PPP2R3A: variants seen among roughly 807,000 people sequenced by gnomAD.
The protein encoded by PPP2R3A is serine/threonine-protein phosphatase 2A regulatory subunit B'' subunit alpha.
PPP2R3A carries 80 observed loss-of-function variants against 106.9 expected under a neutral mutation model. That is an observed-to-expected ratio of 0.75 (90% CI 0.62 to 0.90). The LOEUF (loss-of-function observed/expected upper bound fraction) is 0.90, where lower values mean the gene tolerates loss of function less well. Ranked by LOEUF, PPP2R3A falls within the 40% of genes least tolerant of loss-of-function variation. PPP2R3A has a pLI of 0.00. For synonymous variants in PPP2R3A, 483 were observed against 468.3 expected, an observed-to-expected ratio of 1.03 and a Z score of -0.41; for missense variants, 1,386 against 1,350.4, an observed-to-expected ratio of 1.03 and a Z score of -0.41.
At chr3:136,033,619 G>A (rs1934982952) in intron 3 of PPP2R3A, among the ~76,000 whole-genome samples, 1 of 152,124 alleles carries the variant, frequency 6.6e-6, no homozygotes, top group Non-Finnish European at 1.5e-5. Flanking sequence ...TAGAAGGGTT[G>A]TATCTTTCCA....
intron 3 of PPP2R3A, among the ~76,000 whole-genome samples, chr3:136,029,817 C>T (rs572782796): frequency 6.6e-6 from 1 of 152,176 alleles, no homozygotes; most frequent in Non-Finnish European, 1.5e-5. Context: ...GGGCACCAAG[C>T]CTTTTTGTTC....
chr3:136,003,387 C>A lies in PPP2R3A; in HGVS notation c.1889C>A (p.Thr630Lys), dbSNP rs752262915. The change falls in exon 2 of 14, where the codon ACA becomes AAA. Residue 630 changes from threonine to lysine, a missense_variant. Thr to Lys is a moderately conservative substitution (Grantham distance 78). Coordinates refer to ENST00000264977, the MANE Select transcript of PPP2R3A (RefSeq NM_002718.5). ...EMMQILQETL[T>K]TSSQANLSVC... is the part of the protein sequence containing the mutation. ...ATGCAAATTCTACAGGAAACCTTGA[C>A]AACTTCCTCCCAGGCCAATTTATCA... 9 of 1,613,852 alleles carry A rather than the reference C, an allele frequency of 5.6e-6. No individual in the cohort carries two copies. In the East Asian group the frequency reaches 2.0e-4, roughly 36 times the overall value.
Position 136,061,844 on chromosome 3 carries a change from C to T in PPP2R3A, c.2470-8634C>T, listed in dbSNP as rs1576472151. 2.7e-5 allele frequency among the ~76,000 whole-genome samples: 4 copies of T among 147,856 alleles called. No individual in the cohort carries two copies. In the South Asian group the frequency reaches 8.9e-4, roughly 33 times the overall value. ...CTGAGGCAGGAGAATGGCATGAACC[C>T]GGGACCTGGGAGGTGGAGCTTGCAG... On this transcript the variant is annotated intron_variant, in intron 5 of 13. Transcript: ENST00000264977.
chr3:136,142,155 A>G (rs968322057), intron 13 of PPP2R3A, among the ~76,000 whole-genome samples: 1 of 152,224 alleles, frequency 6.6e-6, no homozygotes, highest in Non-Finnish European at 1.5e-5. Context: ...AGGGAAGTAC[A>G]AAACGAGAAG....
rs139172244 is a variant in PPP2R3A, at chr3:136,099,710, A to G, written c.2928-2297A>G. On this transcript the variant is annotated intron_variant, in intron 10 of 13. Coordinates refer to ENST00000264977, the MANE Select transcript of PPP2R3A (RefSeq NM_002718.5). ...TTTTAATATAACTGGAAAATGAAATATGGTACAGGCCACATAGGTAATTTT... is the reference window on the plus strand; with the variant it reads ...TTTTAATATAACTGGAAAATGAAATGTGGTACAGGCCACATAGGTAATTTT... Among the ~76,000 whole-genome samples, 200 of 152,286 alleles carry G rather than the reference A, an allele frequency of 1.3e-3. 1 individual carries two copies. The highest frequency in any genetic ancestry group is 4.4e-3 in the African/African-American group (185 of 41,578).
chr3:136,130,936 G>A (rs1028702849), intron 13 of PPP2R3A, among the ~76,000 whole-genome samples: 4 of 152,148 alleles, frequency 2.6e-5, no homozygotes, highest in African/African-American at 9.7e-5. Flanking sequence ...AAATGGTGCT[G>A]GGAAAATTGG....
Position 136,003,413 on chromosome 3 carries a change from G to A in PPP2R3A, c.1915G>A (p.Val639Ile), listed in dbSNP as rs150900402. The change falls in exon 2 of 14, where the codon GTC becomes ATC. Residue 639 changes from valine (V) to isoleucine (I), a missense_variant. Physicochemically the swap from Val to Ile is conservative, Grantham distance 29. Coordinates refer to ENST00000264977, the MANE Select transcript of PPP2R3A (RefSeq NM_002718.5). ...AACTTCCTCCCAGGCCAATTTATCA[G>A]TCTGTAGAAGTCCTGTTGGTGATAA... ...LTTSSQANLS[V>I]CRSPVGDKAK... The A allele has an allele frequency of 1.8e-5, 29 of 1,613,930 alleles. No homozygotes were observed. In the African/African-American group the frequency reaches 3.2e-4, roughly 18 times the overall value.
At chr3:136,043,255 C>G (rs113426791) in intron 4 of PPP2R3A, among the ~76,000 whole-genome samples, 7 of 152,146 alleles carry the variant, frequency 4.6e-5, no homozygotes, top group Non-Finnish European at 8.8e-5. Context: ...GTCAGGAGAT[C>G]GAGACCATCC....
At chr3:136,026,304 G>A (rs147598690) in intron 2 of PPP2R3A, among the ~76,000 whole-genome samples, 230 of 152,194 alleles carry the variant, frequency 1.5e-3, no homozygotes, top group African/African-American at 5.3e-3. Flanking sequence ...TCTTAACAAA[G>A]ATTTTCTCAG....
At chr3:136,015,648 A>G (rs977992688) in intron 2 of PPP2R3A, among the ~76,000 whole-genome samples, 1 of 151,436 alleles carries the variant, frequency 6.6e-6, no homozygotes, top group Non-Finnish European at 1.5e-5. Flanking sequence ...TTTTTGTGGT[A>G]TCAGTTGTAA....
intron 1 of PPP2R3A, among the ~76,000 whole-genome samples, chr3:135,974,714 C>G (rs1018192268): frequency 6.6e-6 from 1 of 152,220 alleles, no homozygotes; most frequent in Non-Finnish European, 1.5e-5. Flanking sequence ...GGAGGGGTAT[C>G]CTCCCACCCC....
At chr3:135,981,586 A>C (rs955047959) in intron 1 of PPP2R3A, among the ~76,000 whole-genome samples, 4 of 151,808 alleles carry the variant, frequency 2.6e-5, no homozygotes, top group Admixed American at 1.3e-4. Context: ...TTCATTGAGT[A>C]CTTATATATA....
At chr3:136,132,945 GAA>G (rs1225526031) in intron 13 of PPP2R3A, among the ~76,000 whole-genome samples, 1 of 152,052 alleles carries the variant, frequency 6.6e-6, no homozygotes, top group Non-Finnish European at 1.5e-5. Flanking sequence ...AACCAAAAGA[GAA>G]AAGATAGTCT....
At chr3:135,989,871 T>A (rs943928215) in intron 1 of PPP2R3A, among the ~76,000 whole-genome samples, 6 of 152,170 alleles carry the variant, frequency 3.9e-5, no homozygotes, top group African/African-American at 1.4e-4. Flanking sequence ...TTACTTTTGT[T>A]TAAAAAGTTA....
At chr3:136,019,000 C>T (rs985767268) in intron 2 of PPP2R3A, among the ~76,000 whole-genome samples, 1 of 152,174 alleles carries the variant, frequency 6.6e-6, no homozygotes, top group African/African-American at 2.4e-5. Flanking sequence ...TCCAGCCACC[C>T]CCACAGCAGA....
chr3:136,035,904 A>G (rs1935069132), intron 3 of PPP2R3A, among the ~76,000 whole-genome samples: 1 of 151,890 alleles, frequency 6.6e-6, no homozygotes, highest in African/African-American at 2.4e-5. Context: ...GACTCCTTAG[A>G]GGCTTTGTTC....
rs765707703 is a variant in PPP2R3A, at chr3:136,099,421, AAC to A, written c.2928-2582_2928-2581del. On this transcript the variant is annotated intron_variant, in intron 10 of 13. Coordinates refer to ENST00000264977, the MANE Select transcript of PPP2R3A (RefSeq NM_002718.5). Reference sequence around the variant, plus strand: ...GAAAATAAAACATTACAAGAAAAAAAACACAGTGATTAATATCCTCAGAGAGA... The same window carrying A: ...GAAAATAAAACATTACAAGAAAAAAAACAGTGATTAATATCCTCAGAGAGA... 4.6e-5 allele frequency among the ~76,000 whole-genome samples: 7 copies of A among 152,236 alleles called. No homozygotes were observed. In the South Asian group the frequency reaches 6.2e-4, roughly 14 times the overall value.
chr3:135,984,705 T>C (rs1393518617), intron 1 of PPP2R3A, among the ~76,000 whole-genome samples: 1 of 152,198 alleles, frequency 6.6e-6, no homozygotes, highest in Non-Finnish European at 1.5e-5. Context: ...TCCTGAGGCT[T>C]TCTCAACCAT....
chr3:136,017,348 A>G (rs1045276472), intron 2 of PPP2R3A, among the ~76,000 whole-genome samples: 6 of 152,224 alleles, frequency 3.9e-5, no homozygotes, highest in African/African-American at 1.4e-4. Flanking sequence ...CTAGATCTCT[A>G]GCAACGCCAG....
Sources: gnomAD v4.1 joint callset for allele counts (sites outside exome capture counted in the v4.1 genomes callset) on GRCh38, gnomAD v4.1.1 for gene constraint, MANE v1.5 for transcripts, NCBI Gene and HGNC (gene_info 2026-07-23, HGNC 2026-07-21) for gene names.